The following PTGER3 variants were observed in gnomAD, a reference collection of about 807,000 sequenced individuals.
PTGER3 encodes the protein prostaglandin E receptor 3, also known as prostaglandin E2 receptor EP3 subtype.
A neutral mutation model predicts 34.7 loss-of-function variants in PTGER3; 22 were observed. The observed-to-expected ratio is 0.63, with a 90% CI of 0.45 to 0.91. The LOEUF is 0.91. PTGER3 is among the 40% of genes least tolerant of loss of function. The pLI, the probability that PTGER3 is intolerant of heterozygous loss-of-function variation, is 0.00. For missense variants in PTGER3, 468 were observed against 519.4 expected (o/e 0.90, Z 0.96); for synonymous variants, 241 against 230.1 (o/e 1.05, Z -0.43).
At chr1:70,980,432 G>A (rs1279105561) in intron 2 of PTGER3, among the ~76,000 whole-genome samples, 1 of 152,010 alleles carries the variant, frequency 6.6e-6, no homozygotes, top group Non-Finnish European at 1.5e-5. Flanking sequence ...GGTGGAATGG[G>A]AATAAAGGTT....
intron 4 of PTGER3, chr1:70,869,220 C>G (rs1646110791): frequency 2.2e-6 from 1 of 464,632 alleles, no homozygotes. Flanking sequence ...TTACAACAAC[C>G]AAATTTTGCA....
intron 1 of PTGER3, among the ~76,000 whole-genome samples, chr1:71,040,473 G>A (rs1660219229): frequency 6.6e-6 from 1 of 152,046 alleles, no homozygotes; most frequent in Non-Finnish European, 1.5e-5. Flanking sequence ...AGGGCATGTG[G>A]TGGTGCATGC....
chr1:70,984,643 CT>C (rs1007480083), intron 2 of PTGER3, among the ~76,000 whole-genome samples: 1 of 151,862 alleles, frequency 6.6e-6, no homozygotes, highest in Non-Finnish European at 1.5e-5. Context: ...GAGAGGATCC[CT>C]TGTGCCCAGG....
At chr1:70,891,932 G>A (rs1218804670) in intron 4 of PTGER3, among the ~76,000 whole-genome samples, 1 of 152,182 alleles carries the variant, frequency 6.6e-6, no homozygotes, top group Non-Finnish European at 1.5e-5. Context: ...ATTGCACTTA[G>A]AGGTAGTAAT....
chr1:70,893,762 G>A (rs756037216), intron 4 of PTGER3, among the ~76,000 whole-genome samples: 8 of 152,144 alleles, frequency 5.3e-5, no homozygotes, highest in Non-Finnish European at 1.0e-4. Context: ...ATGAACGTAT[G>A]CAAATGTTCC....
At chr1:70,872,464 T>A (rs1018029519) in intron 4 of PTGER3, among the ~76,000 whole-genome samples, 9 of 152,350 alleles carry the variant, frequency 5.9e-5, no homozygotes, top group African/African-American at 1.7e-4. Flanking sequence ...ACACTGACTA[T>A]GTTCCAGGTA....
chr1:70,944,198 G>A (rs183726044), intron 4 of PTGER3, among the ~76,000 whole-genome samples: 2 of 152,104 alleles, frequency 1.3e-5, no homozygotes, highest in Admixed American at 6.6e-5. Context: ...AAGCTCATTA[G>A]GGTCAAGCCT....
chr1:71,032,667 C>G (rs1659508715), intron 1 of PTGER3, among the ~76,000 whole-genome samples: 1 of 152,102 alleles, frequency 6.6e-6, no homozygotes, highest in African/African-American at 2.4e-5. Flanking sequence ...CTTCCATCTT[C>G]TATAAGGCCA....
chr1:70,909,969 C>A (rs985794404), intron 4 of PTGER3, among the ~76,000 whole-genome samples: 2 of 152,132 alleles, frequency 1.3e-5, no homozygotes, highest in Admixed American at 1.3e-4. Flanking sequence ...AAGAATACAA[C>A]CTTCATAAAA....
intron 1 of PTGER3, among the ~76,000 whole-genome samples, chr1:71,043,668 C>G (rs1660498182): frequency 6.6e-6 from 1 of 152,160 alleles, no homozygotes; most frequent in Non-Finnish European, 1.5e-5. Context: ...CATTTTAACA[C>G]TAATATGCTG....
exon 4 of PTGER3, chr1:70,953,019 G>T (rs768023105): frequency 5.0e-6 from 8 of 1,610,932 alleles, no homozygotes; most frequent in Non-Finnish European, 6.8e-6. Flanking sequence ...ACAATGTGCA[G>T]TTGCCCTCTG....
intron 4 of PTGER3, among the ~76,000 whole-genome samples, chr1:70,941,439 A>G (rs981921557): frequency 3.9e-5 from 6 of 152,126 alleles, no homozygotes; most frequent in Non-Finnish European, 8.8e-5. Flanking sequence ...CCTCATCTCC[A>G]TGTGATTCCA....
At position 71,006,659 on chromosome 1, in the gene PTGER3, T is replaced by G; in HGVS notation, c.1077+5646A>C. The G allele has an allele frequency of 3.1e-6, 3 of 981,856 alleles. No homozygotes were observed. The South Asian group carries it at 1.4e-4, about 46-fold the overall frequency. 60.8% of individuals were successfully genotyped at this position (981,856 alleles called of 1,614,324 possible). On this transcript the variant is annotated intron_variant, in intron 2 of 3. Transcript: ENST00000306666. ...GAGCAACTCTCATATTTATATTAAA[T>G]CAACAATAATTTGTTATGCACATGA...
At chr1:70,929,312 T>G (rs1438469004) in intron 4 of PTGER3, among the ~76,000 whole-genome samples, 4 of 152,216 alleles carry the variant, frequency 2.6e-5, no homozygotes, top group Non-Finnish European at 5.9e-5. Context: ...AACATCTTGG[T>G]TACTGGGCTA....
At chr1:70,995,560 C>G (rs1239669703) in intron 2 of PTGER3, among the ~76,000 whole-genome samples, 1 of 152,074 alleles carries the variant, frequency 6.6e-6, no homozygotes, top group Non-Finnish European at 1.5e-5. Flanking sequence ...TACACCTAGT[C>G]TTAGTCTTTC....
intron 4 of PTGER3, among the ~76,000 whole-genome samples, chr1:70,889,722 G>T (rs1646576085): frequency 6.6e-6 from 1 of 152,106 alleles, no homozygotes; most frequent in African/African-American, 2.4e-5. Flanking sequence ...TTTTCTTCTT[G>T]CAGTGGTCAA....
chr1:70,946,875 A>G (rs542046248), intron 4 of PTGER3, among the ~76,000 whole-genome samples: 2 of 152,224 alleles, frequency 1.3e-5, no homozygotes, highest in African/African-American at 2.4e-5. Flanking sequence ...GTTCTGCTAT[A>G]CTTTATTTTC....
rs777739432 is a variant in PTGER3 at position 70,953,043 on chromosome 1, T to C, written c.1121A>G (p.Gln374Arg). 4.8e-5 allele frequency: 77 copies of C among 1,601,828 alleles called. No individual in the cohort carries two copies. The Admixed American group carries it at 1.2e-3, about 26-fold the overall frequency. The change falls in exon 4 of 4, where the codon CAG becomes CGG. Residue 374 changes from glutamine to arginine, a missense_variant. Gln to Arg is a conservative substitution (Grantham distance 43). Transcript: ENST00000356595. ...AGTTGCCCTCTGTATCTGAGAGTTC[T>C]GCAAACTGCAGATTAACTAACCACA...
At chr1:70,977,703 A>G (rs1212839848) in intron 2 of PTGER3, among the ~76,000 whole-genome samples, 1 of 151,876 alleles carries the variant, frequency 6.6e-6, no homozygotes, top group African/African-American at 2.4e-5. Flanking sequence ...CCCTCTTCCA[A>G]CTTCCTGACC....
Sources: gnomAD v4.1 joint callset for allele counts (sites outside exome capture counted in the v4.1 genomes callset) on GRCh38, gnomAD v4.1.1 for gene constraint, MANE v1.5 for transcripts, NCBI Gene and HGNC (gene_info 2026-07-23, HGNC 2026-07-21) for gene names.